SOX5: variants seen among roughly 807,000 people sequenced by gnomAD.
SOX5 encodes the protein SRY-box transcription factor 5.
In SOX5, 9 loss-of-function variants were observed where a neutral mutation model predicts 92.0. That is an observed-to-expected ratio of 0.10 (90% CI 0.06 to 0.17). The LOEUF is 0.17. SOX5 is among the 10% of genes least tolerant of loss of function. The pLI is 1.00. For missense variants in SOX5, 642 were observed against 944.5 expected (o/e 0.68, Z 4.20); for synonymous variants, 344 against 336.3 (o/e 1.02, Z -0.25).
At chr12:24,166,718 G>A (rs1040200593) in intron 4 of SOX5, among the ~76,000 whole-genome samples, 4 of 152,172 alleles carry the variant, frequency 2.6e-5, no homozygotes, top group Non-Finnish European at 1.5e-5. Flanking sequence ...ACTTACGCAT[G>A]CTATTGCACA....
intron 4 of SOX5, among the ~76,000 whole-genome samples, chr12:24,201,620 G>A (rs189223557): frequency 7.9e-5 from 12 of 152,318 alleles, no homozygotes; most frequent in African/African-American, 2.4e-4. Context: ...ACAAGCTGGT[G>A]TTGCACAGAA....
At chr12:23,884,797 C>A (rs1477370280) in intron 2 of SOX5, among the ~76,000 whole-genome samples, 2 of 152,118 alleles carry the variant, frequency 1.3e-5, no homozygotes, top group African/African-American at 4.8e-5. Context: ...GCTGAACTCA[C>A]TGGGTTAATA....
At chr12:23,543,515 T>C in intron 12 of SOX5, 131 bp from the exon 13 acceptor site, 1 of 597,698 alleles carries the variant, frequency 1.7e-6, no homozygotes. Flanking sequence ...CTTCCAGTTC[T>C]TAAGACAGAT....
At chr12:23,829,074 G>A (rs1344491463) in intron 3 of SOX5, among the ~76,000 whole-genome samples, 3 of 151,900 alleles carry the variant, frequency 2.0e-5, no homozygotes, top group Non-Finnish European at 4.4e-5. Context: ...GCTCTCCACT[G>A]ACTCTAGTGC....
At chr12:23,740,105 A>G (rs1480481913) in intron 5 of SOX5, among the ~76,000 whole-genome samples, 1 of 152,210 alleles carries the variant, frequency 6.6e-6, no homozygotes, top group Non-Finnish European at 1.5e-5. Context: ...TCTGTAAATA[A>G]CCTAAGAAAC....
intron 8 of SOX5, among the ~76,000 whole-genome samples, chr12:23,621,192 T>C (rs1258113702): frequency 1.3e-5 from 2 of 152,060 alleles, no homozygotes; most frequent in Non-Finnish European, 2.9e-5. Flanking sequence ...CTTGAAAATA[T>C]TAGGCTAAAT....
chr12:24,397,594 G>C (rs1371808207), intron 1 of SOX5, among the ~76,000 whole-genome samples: 8 of 151,526 alleles, frequency 5.3e-5, no homozygotes, highest in Admixed American at 5.3e-4. Context: ...ATTGTAGAGG[G>C]GCCAAAGTTT....
Position 23,530,996 on chromosome 12 carries a change from G to C in SOX5, c.*3223C>G, listed in dbSNP as rs556717483. ...TATGGGGCACAGAAAAAGAATACAG[G>C]GTTTTAGGATCCTTTACCAAAATTA... On this transcript the variant is annotated 3_prime_UTR_variant, in exon 15 of 15. Coordinates refer to ENST00000451604, the MANE Select transcript of SOX5 (RefSeq NM_006940.6). 6.6e-6 allele frequency: 1 copy of C among 152,008 alleles called. No individual in the cohort carries two copies. Among genetic ancestry groups the C allele is most frequent in the Admixed American group, 6.6e-5 (1 of 15,258 alleles). The allele number at this position is 152,008 out of a possible 1,614,324, so 9.4% of individuals were successfully genotyped here. A position where few individuals can be genotyped will look rare whatever the true frequency, so the allele number is the denominator to read the frequency against.
At chr12:23,831,972 AC>A (rs1177225919) in intron 3 of SOX5, among the ~76,000 whole-genome samples, 1 of 151,460 alleles carries the variant, frequency 6.6e-6, no homozygotes, top group East Asian at 1.9e-4. Context: ...ACACACACAC[AC>A]ACACACACAC....
intron 4 of SOX5, among the ~76,000 whole-genome samples, chr12:23,961,915 G>C (rs1280475149): frequency 6.6e-6 from 1 of 152,152 alleles, no homozygotes; most frequent in East Asian, 1.9e-4. Context: ...TCAAAGAAGA[G>C]AGATTAAAAC....
intron 3 of SOX5, among the ~76,000 whole-genome samples, chr12:23,769,839 T>G (rs1051238736): frequency 6.6e-6 from 1 of 152,134 alleles, no homozygotes; most frequent in Non-Finnish European, 1.5e-5. Flanking sequence ...TGATACTCAC[T>G]ACCTCCATAC....
At chr12:23,874,624 T>C (rs991356471) in intron 2 of SOX5, among the ~76,000 whole-genome samples, 3 of 152,228 alleles carry the variant, frequency 2.0e-5, no homozygotes, top group African/African-American at 7.2e-5. Flanking sequence ...GCTAGAGTTA[T>C]AAGAAGAGAG....
chr12:23,577,176 C>CACACACACACATAT (rs1273547543), intron 9 of SOX5, among the ~76,000 whole-genome samples: 1 of 76,968 alleles, frequency 1.3e-5, no homozygotes, highest in African/African-American at 4.8e-5. Flanking sequence ...CACACACACA[C>CACACACACACATAT]ATATATATAT....
intron 2 of SOX5, among the ~76,000 whole-genome samples, chr12:24,299,157 T>C (rs1330583635): frequency 6.6e-6 from 1 of 152,196 alleles, no homozygotes; most frequent in Non-Finnish European, 1.5e-5. Context: ...AACTCTTGCG[T>C]TTCTGGGTGG....
chr12:23,837,266 ATATAATATGTATTTATATT>A lies in SOX5; in HGVS notation c.481+8698_481+8716del, dbSNP rs1300028531. Among the ~76,000 whole-genome samples the A allele has an allele frequency of 4.3e-4, 30 of 69,946 alleles. No individual in the cohort carries two copies. The East Asian group carries it at 8.4e-3, about 20-fold the overall frequency. 45.9% of individuals were successfully genotyped at this position (69,946 alleles called of 152,430 possible). On this transcript the variant is annotated intron_variant, in intron 3 of 14. Coordinates refer to ENST00000451604, the MANE Select transcript of SOX5 (RefSeq NM_006940.6). ...TAATATATATTTATATTTATATAAT[ATATAATATGTATTTATATT>A]TATATTTATATAATATATAAGATAT... is the stretch of plus-strand genomic sequence containing the variant.
chr12:24,222,928 G>C (rs1960851100), intron 3 of SOX5, among the ~76,000 whole-genome samples: 1 of 152,130 alleles, frequency 6.6e-6, no homozygotes, highest in Non-Finnish European at 1.5e-5. Context: ...TGAGACTAAG[G>C]CTGAACCTTG....
Position 23,863,770 on chromosome 12 carries a change from C to T in SOX5, c.271-17577G>A, listed in dbSNP as rs904537369. Among the ~76,000 whole-genome samples, 6 of 150,268 alleles carry T rather than the reference C, an allele frequency of 4.0e-5. No homozygotes were observed. In the South Asian group the frequency reaches 1.3e-3, roughly 32 times the overall value. ...TGAAAATTGAGCTATTTTGTCAACT[C>T]CTAAATAACATTTTAAACACACTAC... On this transcript the variant is annotated intron_variant, in intron 2 of 14. Transcript: ENST00000451604.
intron 3 of SOX5, among the ~76,000 whole-genome samples, chr12:24,229,561 T>C (rs993991014): frequency 1.3e-5 from 2 of 152,206 alleles, no homozygotes; most frequent in South Asian, 2.1e-4. Context: ...GCAATGTTCA[T>C]CTGGAAAGAG....
chr12:23,779,031 C>G (rs1375751337), intron 3 of SOX5, among the ~76,000 whole-genome samples: 3 of 152,142 alleles, frequency 2.0e-5, no homozygotes, highest in Non-Finnish European at 4.4e-5. Context: ...AGCAGAGAAA[C>G]TATTCTAAGC....
Sources: allele counts gnomAD v4.1 joint callset (sites outside exome capture counted in the v4.1 genomes callset), GRCh38; gene constraint gnomAD v4.1.1; transcripts MANE v1.5; gene names NCBI Gene and HGNC (gene_info 2026-07-23, HGNC 2026-07-21).